MDM4: variants seen among roughly 807,000 people sequenced by gnomAD.
MDM4 encodes protein Mdm4.
MDM4 carries 2 observed loss-of-function variants against 60.2 expected under a neutral mutation model. The observed-to-expected ratio is 0.03, with a 90% CI of 0.01 to 0.10. The LOEUF is 0.10. MDM4 is among the 10% of genes least tolerant of loss of function. The pLI is 1.00. For synonymous variants in MDM4, 202 were observed against 198.1 expected (o/e 1.02, Z -0.17); for missense variants, 447 against 577.5 (o/e 0.77, Z 2.32).
intron 1 of MDM4, among the ~76,000 whole-genome samples, chr1:204,524,716 A>G (rs7556655): frequency 0.58 from 87,792 of 152,226 alleles, 27,946 homozygotes; most frequent in Non-Finnish European, 0.7. Flanking sequence ...AGCAGAGGTT[A>G]CAGTGAGCCG....
At position 204,524,246 on chromosome 1, in the gene MDM4, C is replaced by G. The variant is rs185477834; in HGVS notation, c.-35-1238C>G. 2.0e-3 allele frequency among the ~76,000 whole-genome samples: 307 copies of G among 152,280 alleles called. 1 individual carries two copies. Among genetic ancestry groups the G allele is most frequent in the Admixed American group, 4.3e-3 (66 of 15,298 alleles). On this transcript the variant is annotated intron_variant, in intron 1 of 10. Coordinates refer to ENST00000367182, the MANE Select transcript of MDM4 (RefSeq NM_002393.5). ...AGAACTCATTGTACTTAACAATTTACAGGCTAAAACCTTTGAAGAGGAATT... is the reference window on the plus strand; with the variant it reads ...AGAACTCATTGTACTTAACAATTTAGAGGCTAAAACCTTTGAAGAGGAATT...
chr1:204,531,462 A>C (rs1393856430), intron 4 of MDM4, among the ~76,000 whole-genome samples: 1 of 152,226 alleles, frequency 6.6e-6, no homozygotes, highest in Non-Finnish European at 1.5e-5. Flanking sequence ...GTCAAAAGCT[A>C]ATTAGTAATT....
Position 204,552,242 on chromosome 1 carries a change from C to T in MDM4, c.*2560C>T, listed in dbSNP as rs1003752461. The T allele has an allele frequency of 2.7e-5, 4 of 150,706 alleles. No individual in the cohort carries two copies. The highest frequency in any genetic ancestry group is 1.3e-4 in the Admixed American group (2 of 15,136). 9.3% of individuals were successfully genotyped at this position (150,706 alleles called of 1,614,324 possible). On this transcript the variant is annotated 3_prime_UTR_variant, in exon 11 of 11. Transcript: ENST00000367182. Reference sequence around the variant, plus strand: ...GAGCTGAGATTGCGCCATTGCACCCCAGCCTGGGCAACAATAGCGAAACTG... The same window carrying T: ...GAGCTGAGATTGCGCCATTGCACCCTAGCCTGGGCAACAATAGCGAAACTG...
intron 4 of MDM4, 124 bp downstream of exon 4, chr1:204,530,941 C>T (rs996704188): frequency 3.5e-5 from 44 of 1,242,724 alleles, no homozygotes; most frequent in Non-Finnish European, 4.8e-5. Flanking sequence ...TGTTAGGTAG[C>T]CTATGAGGCA....
Position 204,550,959 on chromosome 1 carries a change from G to A in MDM4, c.*1277G>A, listed in dbSNP as rs186336891. ...ATTAGCCAAATCAGACTTAACTTCC[G>A]TCAGAACATGTCTTGGTTTTAATTC... On this transcript the variant is annotated 3_prime_UTR_variant, in exon 11 of 11. Transcript: ENST00000367182. The A allele has an allele frequency of 1.4e-4, 26 of 184,298 alleles. No homozygotes were observed. Among genetic ancestry groups the A allele is most frequent in the Admixed American group, 5.6e-4 (9 of 16,028 alleles). The allele number at this position is 184,298 out of a possible 1,614,324, so 11.4% of individuals were successfully genotyped here. A position where few individuals can be genotyped will look rare whatever the true frequency, so the allele number is the denominator to read the frequency against.
chr1:204,540,705 G>A (rs768270056), intron 7 of MDM4, among the ~76,000 whole-genome samples: 4 of 152,182 alleles, frequency 2.6e-5, no homozygotes, highest in Non-Finnish European at 5.9e-5. Context: ...AGAGGTTGCA[G>A]TGAGCCGAGA....
intron 8 of MDM4, 143 bp from the exon 9 acceptor site, chr1:204,544,392 T>A (rs1662440742): frequency 1.4e-6 from 1 of 705,964 alleles, no homozygotes; most frequent in African/African-American, 1.8e-5. Context: ...ATATGTTGAA[T>A]GAATACATGT....
chr1:204,531,154 T>C (rs918085047), intron 4 of MDM4, among the ~76,000 whole-genome samples: 1 of 152,104 alleles, frequency 6.6e-6, no homozygotes, highest in Non-Finnish European at 1.5e-5. Context: ...AAAATGTTCT[T>C]TTGAGGAAGT....
At position 204,546,857 on chromosome 1, in the gene MDM4, G is replaced by T. The variant is rs760694069; in HGVS notation, c.883G>T (p.Asp295Tyr). 1 of 1,610,626 alleles carries T rather than the reference G, an allele frequency of 6.2e-7. No homozygotes were observed. Among genetic ancestry groups the T allele is most frequent in the South Asian group, 1.1e-5 (1 of 90,856 alleles). The change falls in exon 10 of 11, where the codon GAT (aspartate) becomes TAT (tyrosine). Residue 295 changes from aspartate to tyrosine, a missense_variant. Around this residue, in one of 8 missense-constraint regions of MDM4, gnomAD observed 184 missense variants for 179.3 expected, o/e 1.03. Transcript: ENST00000367182. The part of the protein sequence containing the change: ...EDSKSLSDDT[D>Y]VEVTSEDEWQ... ...CTCTAAGTCCTTAAGTGATGATACC[G>T]ATGTAGAGGTTACCTCTGAGGTATG...
At position 204,542,948 on chromosome 1, in the gene MDM4, A is replaced by T. The variant is rs752510912; in HGVS notation, c.672+4A>T. 7.5e-6 allele frequency: 12 copies of T among 1,604,088 alleles called. No individual in the cohort carries two copies. Among genetic ancestry groups the T allele is most frequent in the Non-Finnish European group, 1.0e-5 (12 of 1,176,420 alleles). On this transcript the variant is annotated splice_donor_region_variant and intron_variant, in intron 8 of 10. Transcript: ENST00000367182. Reference sequence around the variant, plus strand: ...AACTGATTTACAGACAAATCAGGTAAATTTCACATTTGAAGGGAAGTGGTT... The same window carrying T: ...AACTGATTTACAGACAAATCAGGTATATTTCACATTTGAAGGGAAGTGGTT...
At chr1:204,532,342 G>T in intron 5 of MDM4, 96 bp downstream of exon 5, 1 of 795,446 alleles carries the variant, frequency 1.3e-6, no homozygotes. Context: ...GAAATGGAAT[G>T]CTATCTTTGG....
At chr1:204,517,407 GT>G (rs1191847341) in intron 1 of MDM4, among the ~76,000 whole-genome samples, 3 of 151,696 alleles carry the variant, frequency 2.0e-5, no homozygotes, top group Non-Finnish European at 4.4e-5. Context: ...TTTTTGTTTT[GT>G]TTTTGTTTTT....
intron 5 of MDM4, among the ~76,000 whole-genome samples, chr1:204,535,347 C>T (rs912549978): frequency 1.1e-4 from 16 of 151,288 alleles, no homozygotes; most frequent in East Asian, 2.0e-4. Flanking sequence ...TTAGTAGAGA[C>T]GGGGTTTCAC....
intron 1 of MDM4, among the ~76,000 whole-genome samples, chr1:204,518,170 G>A (rs548745212): frequency 6.6e-6 from 1 of 152,214 alleles, no homozygotes; most frequent in Admixed American, 6.5e-5. Context: ...AAAGAGATGA[G>A]GTCTCACTGT....
chr1:204,528,863 C>CA, intron 3 of MDM4: 2 of 1,572,842 alleles, frequency 1.3e-6, no homozygotes, highest in Non-Finnish European at 1.7e-6. Flanking sequence ...TCCGAGCTGT[C>CA]ATGGTGACGA....
At chr1:204,528,938 C>T (rs1306989285) in intron 3 of MDM4, 10 of 1,585,950 alleles carry the variant, frequency 6.3e-6, no homozygotes, top group Middle Eastern at 2.0e-4. Flanking sequence ...AGGCCTCTGT[C>T]GGCATCTGCA....
chr1:204,541,183 G>T (rs930049388), intron 7 of MDM4, among the ~76,000 whole-genome samples: 1 of 152,078 alleles, frequency 6.6e-6, no homozygotes, highest in African/African-American at 2.4e-5. Flanking sequence ...TCAAGGCTGG[G>T]CATGGTAGCT....
In MDM4 at chr1:204,551,461, CTTTTTTTTTT is replaced by C. The variant is rs56047802; in HGVS notation, c.*1799_*1808del. 3.7e-3 allele frequency: 339 copies of C among 91,068 alleles called. 2 individuals are homozygous for C. The highest frequency in any genetic ancestry group is 0.014 in the Middle Eastern group (3 of 218). 5.6% of individuals were successfully genotyped at this position (91,068 alleles called of 1,614,324 possible). On this transcript the variant is annotated 3_prime_UTR_variant, in exon 11 of 11. Coordinates refer to ENST00000367182, the MANE Select transcript of MDM4 (RefSeq NM_002393.5). ...ATACTGGATGGTTGAGAGGCAGCCT[CTTTTTTTTTT>C]TTTTTTTTTTTTTTTTTTTGGAGGA...
intron 8 of MDM4, 56 bp downstream of exon 8, chr1:204,543,000 T>G: frequency 2.2e-6 from 3 of 1,386,160 alleles, no homozygotes; most frequent in Non-Finnish European, 3.0e-6. Flanking sequence ...GGTAACATTC[T>G]TGGTTACTCT....
Sources: allele counts gnomAD v4.1 joint callset (sites outside exome capture counted in the v4.1 genomes callset), GRCh38; gene constraint gnomAD v4.1.1; regional missense constraint gnomAD v4.1.1; transcripts MANE v1.5; gene names NCBI Gene and HGNC (gene_info 2026-07-23, HGNC 2026-07-21).